The following NKAIN2 variants were observed in gnomAD, a reference collection of about 807,000 sequenced individuals.
NKAIN2 encodes sodium/potassium-transporting ATPase subunit beta-1-interacting protein 2.
NKAIN2 carries 14 observed loss-of-function variants against 32.6 expected under a neutral mutation model. The ratio of observed to expected loss-of-function variants is 0.43; its 90% confidence interval spans 0.28 to 0.67. The LOEUF is 0.67. Among genes scored for constraint, NKAIN2 ranks in the 30% least tolerant of loss-of-function variants. The pLI is 0.17. For missense variants in NKAIN2, 198 were observed against 258.3 expected (o/e 0.77, Z 1.60); for synonymous variants, 80 against 87.2 (o/e 0.92, Z 0.46).
chr6:124,368,820 A>C (rs887169678), intron 3 of NKAIN2, among the ~76,000 whole-genome samples: 12 of 152,194 alleles, frequency 7.9e-5, no homozygotes, highest in Non-Finnish European at 1.8e-4. Context: ...TTAGTAAAAA[A>C]TAAACTATGT....
intron 1 of NKAIN2, among the ~76,000 whole-genome samples, chr6:123,976,074 A>AT (rs1324032501): frequency 6.6e-6 from 1 of 151,156 alleles, no homozygotes; most frequent in Non-Finnish European, 1.5e-5. Flanking sequence ...GTCTGCCACC[A>AT]TGTCCCACGT....
intron 4 of NKAIN2, among the ~76,000 whole-genome samples, chr6:124,758,354 G>C (rs1778060938): frequency 6.6e-6 from 1 of 152,078 alleles, no homozygotes; most frequent in Non-Finnish European, 1.5e-5. Context: ...ATATATTTTA[G>C]AAAGCTCTCT....
chr6:124,023,003 C>A (rs909783710), intron 1 of NKAIN2, among the ~76,000 whole-genome samples: 1 of 150,640 alleles, frequency 6.6e-6, no homozygotes, highest in Non-Finnish European at 1.5e-5. Flanking sequence ...CTAAACTTTT[C>A]GGTTAAAGAT....
At chr6:124,047,715 G>A (rs980333421) in intron 1 of NKAIN2, among the ~76,000 whole-genome samples, 1 of 152,010 alleles carries the variant, frequency 6.6e-6, no homozygotes, top group African/African-American at 2.4e-5. Flanking sequence ...CAGAGGGCAG[G>A]AGCAGTGTGT....
At chr6:124,232,979 C>T (rs1792537824) in intron 1 of NKAIN2, among the ~76,000 whole-genome samples, 1 of 152,022 alleles carries the variant, frequency 6.6e-6, no homozygotes, top group Non-Finnish European at 1.5e-5. Context: ...AGCAGGGAAA[C>T]ATAGGAAATA....
chr6:124,158,794 G>C (rs1405405353), intron 1 of NKAIN2, among the ~76,000 whole-genome samples: 1 of 152,152 alleles, frequency 6.6e-6, no homozygotes, highest in African/African-American at 2.4e-5. Context: ...TATTTGCCAA[G>C]TTGTCACATT....
intron 2 of NKAIN2, among the ~76,000 whole-genome samples, chr6:124,337,428 G>T (rs979323184): frequency 1.3e-5 from 2 of 152,284 alleles, no homozygotes; most frequent in South Asian, 2.1e-4. Context: ...GACCACTCTA[G>T]CCTAGGAGTT....
intron 3 of NKAIN2, among the ~76,000 whole-genome samples, chr6:124,570,568 G>GC (rs1562262337): frequency 6.6e-6 from 1 of 152,214 alleles, no homozygotes; most frequent in Non-Finnish European, 1.5e-5. Context: ...CCAGGCATTG[G>GC]CAGCTTCTAC....
intron 1 of NKAIN2, among the ~76,000 whole-genome samples, chr6:124,176,749 A>G (rs1326764676): frequency 1.3e-5 from 2 of 152,132 alleles, no homozygotes; most frequent in Non-Finnish European, 2.9e-5. Flanking sequence ...AATAAAAATG[A>G]TATTGCATTA....
chr6:123,885,893 T>C (rs1375305889), intron 1 of NKAIN2, among the ~76,000 whole-genome samples: 1 of 150,314 alleles, frequency 6.7e-6, no homozygotes, highest in Non-Finnish European at 1.5e-5. Flanking sequence ...TACATTGCCT[T>C]AGTGACACCA....
chr6:124,385,761 C>G (rs1772870781), intron 3 of NKAIN2, among the ~76,000 whole-genome samples: 1 of 151,972 alleles, frequency 6.6e-6, no homozygotes, highest in African/African-American at 2.4e-5. Context: ...AAGATCTACC[C>G]CCTCTCAAAT....
At chr6:123,999,105 C>T (rs1181989012) in intron 1 of NKAIN2, among the ~76,000 whole-genome samples, 3 of 151,906 alleles carry the variant, frequency 2.0e-5, no homozygotes, top group Non-Finnish European at 4.4e-5. Context: ...AACTAAACGA[C>T]CCCAGGGAAC....
At position 124,415,878 on chromosome 6, in the gene NKAIN2, C is replaced by CTTTT; in HGVS notation, c.273+60545_273+60548dup. 8.7e-4 allele frequency among the ~76,000 whole-genome samples: 63 copies of CTTTT among 72,584 alleles called. 2 individuals are homozygous for CTTTT. Among genetic ancestry groups the CTTTT allele is most frequent in the Admixed American group, 2.8e-3 (15 of 5,410 alleles). 47.6% of individuals were successfully genotyped at this position (72,584 alleles called of 152,430 possible). A position where few individuals can be genotyped will look rare whatever the true frequency, so the allele number is the denominator to read the frequency against. ...TTTTTTAATTTGCTTTTTTTATTTG[C>CTTTT]TTTTTTTTTTTTTTTTTGCTAATTT... On this transcript the variant is annotated intron_variant, in intron 3 of 6. Coordinates refer to ENST00000368417, the MANE Select transcript of NKAIN2 (RefSeq NM_001040214.3).
chr6:124,399,931 A>G (rs777666292), intron 3 of NKAIN2, among the ~76,000 whole-genome samples: 6 of 152,188 alleles, frequency 3.9e-5, no homozygotes, highest in Non-Finnish European at 8.8e-5. Flanking sequence ...ATAAACATTT[A>G]GAGAAAAGAA....
intron 4 of NKAIN2, among the ~76,000 whole-genome samples, chr6:124,709,386 A>G (rs938130264): frequency 4.0e-5 from 6 of 150,784 alleles, no homozygotes; most frequent in African/African-American, 1.5e-4. Flanking sequence ...CTCTTTTTCT[A>G]TTGATTGGAA....
chr6:124,289,824 A>C (rs556818668), intron 2 of NKAIN2, among the ~76,000 whole-genome samples: 1 of 152,266 alleles, frequency 6.6e-6, no homozygotes, highest in Non-Finnish European at 1.5e-5. Context: ...ATGTTCAAGT[A>C]GTTGTTTTGC....
intron 3 of NKAIN2, among the ~76,000 whole-genome samples, chr6:124,418,784 G>C (rs1014486030): frequency 6.6e-6 from 1 of 151,568 alleles, no homozygotes; most frequent in African/African-American, 2.4e-5. Flanking sequence ...GATTGTTGAT[G>C]TCCTGTTAGC....
At chr6:124,229,564 GGTTTGGCTCTGT>G (rs1792336746) in intron 1 of NKAIN2, among the ~76,000 whole-genome samples, 2 of 134,324 alleles carry the variant, frequency 1.5e-5, no homozygotes, top group Admixed American at 1.5e-4. Flanking sequence ...AGACAGACAG[GGTTTGGCTCTGT>G]GTCCCCACCC....
intron 3 of NKAIN2, among the ~76,000 whole-genome samples, chr6:124,509,982 T>C (rs1778648055): frequency 6.6e-6 from 1 of 152,204 alleles, no homozygotes; most frequent in Admixed American, 6.5e-5. Context: ...TGCTTACATA[T>C]ACACAAAGGG....
Sources: allele counts gnomAD v4.1 joint callset (sites outside exome capture counted in the v4.1 genomes callset), GRCh38; gene constraint gnomAD v4.1.1; transcripts MANE v1.5; gene names NCBI Gene and HGNC (gene_info 2026-07-23, HGNC 2026-07-21).